The following FMN2 variants were observed in gnomAD, a reference collection of about 807,000 sequenced individuals.
FMN2 encodes formin-2.
In FMN2, 51 loss-of-function variants were observed where a neutral mutation model predicts 142.3. The observed-to-expected ratio is 0.36, with a 90% CI of 0.29 to 0.45. The LOEUF (loss-of-function observed/expected upper bound fraction) is 0.45. FMN2 is among the 20% of genes least tolerant of loss of function. FMN2 has a pLI of 1.00. For synonymous variants in FMN2, 882 were observed against 869.8 expected (o/e 1.01, Z -0.25); for missense variants, 1,936 against 2,122.8 (o/e 0.91, Z 1.73).
At chr1:240,274,388 G>A (rs903213215) in intron 7 of FMN2, among the ~76,000 whole-genome samples, 1 of 152,080 alleles carries the variant, frequency 6.6e-6, no homozygotes, top group Non-Finnish European at 1.5e-5. Context: ...GCAACTGCAA[G>A]GATCCTGGGG....
intron 2 of FMN2, 106 bp from the exon 3 acceptor site, chr1:240,177,815 A>G: frequency 1.1e-6 from 1 of 942,988 alleles, no homozygotes; most frequent in Non-Finnish European, 1.5e-6. Flanking sequence ...ATATGTATGC[A>G]TATATAAGTA....
At chr1:240,466,360 A>C (rs1676619622) in intron 16 of FMN2, among the ~76,000 whole-genome samples, 2 of 152,180 alleles carry the variant, frequency 1.3e-5, no homozygotes, top group South Asian at 2.1e-4. Flanking sequence ...ATTTATATAG[A>C]TGTTTCAAAA....
chr1:240,095,984 T>C (rs1003450620), intron 1 of FMN2, among the ~76,000 whole-genome samples: 19 of 152,124 alleles, frequency 1.2e-4, no homozygotes, highest in African/African-American at 4.6e-4. Context: ...GCAAATATAT[T>C]TTTGTGTAGC....
chr1:240,148,426 TACAG>T (rs1469991038), intron 2 of FMN2, among the ~76,000 whole-genome samples: 1 of 134,006 alleles, frequency 7.5e-6, no homozygotes, highest in African/African-American at 2.8e-5. Context: ...ACAGGAAAGA[TACAG>T]AAAGAGAGAG....
chr1:240,282,125 A>G (rs540059104), intron 7 of FMN2, among the ~76,000 whole-genome samples: 1 of 152,304 alleles, frequency 6.6e-6, no homozygotes, highest in South Asian at 2.1e-4. Context: ...CACACAATAG[A>G]GGAGTTACCT....
At chr1:240,252,928 C>T (rs1323911637) in intron 6 of FMN2, among the ~76,000 whole-genome samples, 2 of 124,782 alleles carry the variant, frequency 1.6e-5, no homozygotes, top group African/African-American at 6.0e-5. Flanking sequence ...TTTATGGTGT[C>T]CCATGTGTGA....
chr1:240,123,516 A>AAG (rs1662374660), intron 2 of FMN2, among the ~76,000 whole-genome samples, 171 bp downstream of exon 2: 1 of 151,364 alleles, frequency 6.6e-6, no homozygotes, highest in Admixed American at 6.6e-5. Context: ...AAAAAAAAAA[A>AAG]AAAAAAGAAA....
intron 3 of FMN2, chr1:240,180,112 G>C (rs1309758753): frequency 1.7e-6 from 2 of 1,156,334 alleles, no homozygotes; most frequent in South Asian, 1.4e-5. Context: ...CAAAATGCTA[G>C]AGCAAGTGAT....
Position 240,155,271 on chromosome 1 carries a change from A to T in FMN2, c.1783-22650A>T, listed in dbSNP as rs6663593. Among the ~76,000 whole-genome samples, 3 of 151,938 alleles carry T rather than the reference A, an allele frequency of 2.0e-5. No individual in the cohort carries two copies. The South Asian group carries it at 6.2e-4, about 32-fold the overall frequency. On this transcript the variant is annotated intron_variant, in intron 2 of 17. Coordinates refer to ENST00000319653, the MANE Select transcript of FMN2 (RefSeq NM_020066.5). ...GGATGTGGTAATCATGAAAGAGACT[A>T]TAAATCTTGTTTTAATTTTTATTTT...
intron 16 of FMN2, among the ~76,000 whole-genome samples, chr1:240,467,644 C>T (rs977765510): frequency 1.1e-4 from 17 of 152,014 alleles, no homozygotes; most frequent in African/African-American, 3.1e-4. Context: ...AAGATAGTAC[C>T]GTAAAGGGGG....
chr1:240,203,838 TA>T (rs146322963), intron 4 of FMN2, among the ~76,000 whole-genome samples: 1,954 of 152,288 alleles, frequency 0.013, 49 homozygotes, highest in African/African-American at 0.044. Flanking sequence ...AAAAAAAGGT[TA>T]TTTTTTTTCC....
chr1:240,468,232 G>GTGTGTGTGTGTA (rs1676688521), intron 16 of FMN2, among the ~76,000 whole-genome samples: 1 of 100,820 alleles, frequency 9.9e-6, no homozygotes, highest in African/African-American at 5.2e-5. Flanking sequence ...GTGTGTGTGT[G>GTGTGTGTGTGTA]TATTCACACA....
intron 1 of FMN2, among the ~76,000 whole-genome samples, chr1:240,108,720 T>A (rs939109878): frequency 9.2e-5 from 14 of 152,146 alleles, no homozygotes; most frequent in African/African-American, 3.4e-4. Flanking sequence ...AACTGTCTTG[T>A]TCATCCTTCT....
chr1:240,265,158 GT>G (rs1371598329), intron 7 of FMN2, among the ~76,000 whole-genome samples: 1 of 152,134 alleles, frequency 6.6e-6, no homozygotes, highest in Non-Finnish European at 1.5e-5. Flanking sequence ...TTGGCTACCA[GT>G]TGTTTCATTT....
At chr1:240,191,850 C>A (rs1340896570) in intron 4 of FMN2, among the ~76,000 whole-genome samples, 4 of 152,116 alleles carry the variant, frequency 2.6e-5, no homozygotes, top group Non-Finnish European at 5.9e-5. Context: ...AATAGAATAA[C>A]ATTTTGATTT....
chr1:240,327,318 T>A lies in FMN2; in HGVS notation c.4216-1758T>A, dbSNP rs949224925. ...AATTCTTCTCTCGTTAAAAGAAACT[T>A]CTTTTGAGACACGTCTTTGTTAGTT... On this transcript the variant is annotated intron_variant, in intron 8 of 17. Coordinates refer to ENST00000319653, the MANE Select transcript of FMN2 (RefSeq NM_020066.5). Among the ~76,000 whole-genome samples the A allele has an allele frequency of 2.0e-5, 3 of 152,352 alleles. No homozygotes were observed. The South Asian group carries it at 6.2e-4, about 32-fold the overall frequency.
chr1:240,440,994 CTT>C (rs11358093), intron 16 of FMN2, among the ~76,000 whole-genome samples: 3,317 of 127,450 alleles, frequency 0.026, 108 homozygotes, highest in African/African-American at 0.089. Context: ...TTGGTGTAAA[CTT>C]TTTTTTTTTT....
At chr1:240,287,626 A>G (rs763237236) in intron 7 of FMN2, among the ~76,000 whole-genome samples, 2 of 152,172 alleles carry the variant, frequency 1.3e-5, no homozygotes, top group Non-Finnish European at 2.9e-5. Flanking sequence ...AATGTTTTCA[A>G]CCTGGTTCAT....
chr1:240,224,511 T>C (rs2103429111), intron 6 of FMN2, among the ~76,000 whole-genome samples: 1 of 152,126 alleles, frequency 6.6e-6, no homozygotes, highest in Non-Finnish European at 1.5e-5. Context: ...CACTTGGTCC[T>C]AATAGGACCA....
Sources: gnomAD v4.1 joint callset for allele counts (sites outside exome capture counted in the v4.1 genomes callset) on GRCh38, gnomAD v4.1.1 for gene constraint, MANE v1.5 for transcripts, NCBI Gene and HGNC (gene_info 2026-07-23, HGNC 2026-07-21) for gene names.